TAFA2: variants seen among roughly 807,000 people sequenced by gnomAD.
TAFA2 encodes the protein chemokine-like protein TAFA-2.
A neutral mutation model predicts 18.8 loss-of-function variants in TAFA2; 7 were observed. That is an observed-to-expected ratio of 0.37 (90% CI 0.21 to 0.70). The LOEUF is 0.70. Among genes scored for constraint, TAFA2 ranks in the 30% least tolerant of loss-of-function variants. The probability of loss-of-function intolerance (pLI) is 0.53; values close to 1 mark genes in which losing one functional copy is unlikely to be tolerated. For missense variants in TAFA2, 122 were observed against 158.1 expected (o/e 0.77, Z 1.23); for synonymous variants, 60 against 54.2 (o/e 1.11, Z -0.47).
At chr12:62,223,392 G>A (rs536821015) in intron 1 of TAFA2, among the ~76,000 whole-genome samples, 25 of 152,176 alleles carry the variant, frequency 1.6e-4, no homozygotes, top group African/African-American at 6.0e-4. Context: ...TGTCTAGGCT[G>A]GCCTAAAACT....
At chr12:62,062,542 C>G (rs552358806) in intron 1 of TAFA2, among the ~76,000 whole-genome samples, 1 of 152,310 alleles carries the variant, frequency 6.6e-6, no homozygotes, top group South Asian at 2.1e-4. Context: ...CCCACTACCT[C>G]CTTGTCTTGA....
At chr12:61,757,096 A>G (rs1188935956) in intron 2 of TAFA2, among the ~76,000 whole-genome samples, 1 of 152,072 alleles carries the variant, frequency 6.6e-6, no homozygotes, top group Admixed American at 6.6e-5. Context: ...TCATCTATCT[A>G]TTAGAATTTT....
At chr12:61,724,794 T>TATACACCAGACGG (rs1255469826) in intron 4 of TAFA2, among the ~76,000 whole-genome samples, 1 of 128,862 alleles carries the variant, frequency 7.8e-6, no homozygotes, top group African/African-American at 3.2e-5. Context: ...TGTGTGTGTG[T>TATACACCAGACGG]GTGTGTGTAT....
chr12:62,216,656 G>A (rs1402873224), intron 1 of TAFA2, among the ~76,000 whole-genome samples: 2 of 152,120 alleles, frequency 1.3e-5, no homozygotes, highest in African/African-American at 4.8e-5. Flanking sequence ...TACTATTGTT[G>A]ATCTGAAAAA....
chr12:61,923,574 C>T (rs139163682), intron 1 of TAFA2, among the ~76,000 whole-genome samples: 1 of 152,204 alleles, frequency 6.6e-6, no homozygotes, highest in East Asian at 1.9e-4. Flanking sequence ...ACAAAAATGC[C>T]ATCTGAAGGT....
rs1202222251 is a variant in TAFA2, at chr12:62,064,133, T to G, written c.-2+127126A>C. On this transcript the variant is annotated intron_variant, in intron 1 of 4. Transcript: ENST00000416284. ...ATTTCTAAGCTGATTTAAGGTTAAGTAACTAACAAATGACAGCGCTGGAAT... is the reference window on the plus strand; with the variant it reads ...ATTTCTAAGCTGATTTAAGGTTAAGGAACTAACAAATGACAGCGCTGGAAT... Among the ~76,000 whole-genome samples, 4 of 152,084 alleles carry G rather than the reference T, an allele frequency of 2.6e-5. No individual in the cohort carries two copies. In the East Asian group the frequency reaches 5.8e-4, roughly 22 times the overall value.
rs1879377374 is a variant in TAFA2, at chr12:61,974,974, A to C, written c.-1-107548T>G. 4.6e-5 allele frequency among the ~76,000 whole-genome samples: 7 copies of C among 151,714 alleles called. No individual in the cohort carries two copies. In the Admixed American group the frequency reaches 4.6e-4, roughly 10 times the overall value. On this transcript the variant is annotated intron_variant, in intron 1 of 4. Coordinates refer to ENST00000416284, the MANE Select transcript of TAFA2 (RefSeq NM_178539.5). ...TTATCCAATTACTTTGGGATGATTT[A>C]GTAGTTGTTACAACTGGAAATCTCT... is the stretch of plus-strand genomic sequence containing the variant.
chr12:62,058,237 G>A (rs73314023), intron 1 of TAFA2, among the ~76,000 whole-genome samples: 15,671 of 152,092 alleles, frequency 0.1, 916 homozygotes, highest in South Asian at 0.16. Flanking sequence ...ATGATGATGG[G>A]CCTTTAGTGA....
intron 2 of TAFA2, among the ~76,000 whole-genome samples, chr12:61,771,525 A>C (rs537529427): frequency 1.1e-4 from 16 of 152,018 alleles, no homozygotes; most frequent in Admixed American, 2.6e-4. Flanking sequence ...AATTATATCA[A>C]GTACTCTCTC....
At chr12:61,838,943 A>G (rs1873051457) in intron 2 of TAFA2, among the ~76,000 whole-genome samples, 1 of 152,098 alleles carries the variant, frequency 6.6e-6, no homozygotes, top group Non-Finnish European at 1.5e-5. Context: ...ACAAAAAGTT[A>G]TCTGGCCCCA....
At chr12:61,964,479 T>C (rs1278330746) in intron 1 of TAFA2, among the ~76,000 whole-genome samples, 3 of 151,846 alleles carry the variant, frequency 2.0e-5, no homozygotes, top group African/African-American at 7.2e-5. Flanking sequence ...TTCTGACCTA[T>C]ACTTAATGTT....
intron 1 of TAFA2, among the ~76,000 whole-genome samples, chr12:61,895,172 G>A (rs532388023): frequency 6.6e-6 from 1 of 152,200 alleles, no homozygotes; most frequent in East Asian, 1.9e-4. Flanking sequence ...TGGATGTCCA[G>A]AAGGACTATG....
At chr12:61,842,266 C>T (rs1381337594) in intron 2 of TAFA2, among the ~76,000 whole-genome samples, 2 of 133,628 alleles carry the variant, frequency 1.5e-5, no homozygotes, top group East Asian at 4.6e-4. Flanking sequence ...CAGCTTCCCC[C>T]ACATGACAGA....
intron 1 of TAFA2, among the ~76,000 whole-genome samples, chr12:61,884,280 C>A (rs188032096): frequency 2.6e-5 from 4 of 152,208 alleles, no homozygotes; most frequent in Middle Eastern, 3.4e-3. Flanking sequence ...GTAGTAGGTA[C>A]CAGCGAGGCA....
At chr12:61,756,063 G>A (rs941331551) in intron 2 of TAFA2, among the ~76,000 whole-genome samples, 2 of 152,056 alleles carry the variant, frequency 1.3e-5, no homozygotes, top group Non-Finnish European at 2.9e-5. Flanking sequence ...TTGCAAATGA[G>A]ATCGGCACAT....
chr12:62,132,182 A>G (rs1047233726), intron 1 of TAFA2, among the ~76,000 whole-genome samples: 1 of 151,950 alleles, frequency 6.6e-6, no homozygotes, highest in Non-Finnish European at 1.5e-5. Flanking sequence ...AAAATAAACA[A>G]TTCGAGCTCA....
At chr12:62,187,107 G>T (rs2062591377) in intron 1 of TAFA2, among the ~76,000 whole-genome samples, 1 of 152,122 alleles carries the variant, frequency 6.6e-6, no homozygotes, top group Non-Finnish European at 1.5e-5. Flanking sequence ...TGACTATGGA[G>T]GTGTATATTC....
intron 1 of TAFA2, among the ~76,000 whole-genome samples, chr12:61,998,919 G>A (rs1434527781): frequency 6.6e-6 from 1 of 152,168 alleles, no homozygotes; most frequent in African/African-American, 2.4e-5. Flanking sequence ...CTCCCGTATT[G>A]CAGGCAGCAG....
chr12:62,234,599 G>C (rs116420731), intron 1 of TAFA2: 6 of 823,186 alleles, frequency 7.3e-6, no homozygotes, highest in Non-Finnish European at 1.1e-5. Context: ...CACCTTTCCC[G>C]TTGCACAAAT....
Sources: gnomAD v4.1 joint callset for allele counts (sites outside exome capture counted in the v4.1 genomes callset) on GRCh38, gnomAD v4.1.1 for gene constraint, MANE v1.5 for transcripts, NCBI Gene and HGNC (gene_info 2026-07-23, HGNC 2026-07-21) for gene names.